Variants in MACROD2 observed in about 807,000 individuals in gnomAD.
The protein encoded by MACROD2 is ADP-ribose glycohydrolase MACROD2.
Under a neutral mutation model 70.4 loss-of-function variants are expected in MACROD2, and 36 were observed. The observed-to-expected ratio is 0.51, with a 90% confidence interval of 0.39 to 0.68. The LOEUF is 0.68. Ranked by LOEUF, MACROD2 falls within the 30% of genes least tolerant of loss-of-function variation. MACROD2 has a pLI of 0.00. For missense variants in MACROD2, 496 were observed against 538.4 expected, an observed-to-expected ratio of 0.92 and a Z score of 0.78; for synonymous variants, 172 against 178.8, an observed-to-expected ratio of 0.96 and a Z score of 0.30.
rs746662796 is a variant in MACROD2 at position 14,326,410 on chromosome 20, A to T, written c.272-167069A>T. 3.1e-6 allele frequency: 5 copies of T among 1,613,898 alleles called. No homozygotes were observed. The East Asian group carries it at 1.1e-4, about 36-fold the overall frequency. ...CACTGTGTTGGGTATTGCAGTGGTTATCTGAATGGTGCTTACAATCCCACT... is the reference window on the plus strand; with the variant it reads ...CACTGTGTTGGGTATTGCAGTGGTTTTCTGAATGGTGCTTACAATCCCACT... On this transcript the variant is annotated intron_variant, in intron 3 of 17. Transcript: ENST00000684519. The surrounding 1 kb of genome is among the most constrained non-coding windows in gnomAD (Gnocchi z 5.5).
intron 5 of MACROD2, among the ~76,000 whole-genome samples, chr20:14,754,270 T>A (rs909645810): frequency 1.3e-5 from 2 of 152,120 alleles, no homozygotes; most frequent in African/African-American, 4.8e-5. Flanking sequence ...TATTTAAAAA[T>A]GCAGTTATTT....
intron 3 of MACROD2, among the ~76,000 whole-genome samples, chr20:14,266,351 A>G (rs1167293672): frequency 6.6e-6 from 1 of 152,162 alleles, no homozygotes; most frequent in Non-Finnish European, 1.5e-5. Flanking sequence ...AGAGGGCTGA[A>G]AAATCCCTAC....
At position 15,986,804 on chromosome 20, in the gene MACROD2, A is replaced by G; in HGVS notation, c.1060+3A>G. ...GAGCTCATATATGGAAACAGAAGGT[A>G]CTGAAACCAAAATATATTGTTATCA... On this transcript the variant is annotated splice_donor_region_variant and intron_variant, in intron 14 of 17. Transcript: ENST00000684519. 3 of 1,601,092 alleles carry G rather than the reference A, an allele frequency of 1.9e-6. No individual in the cohort carries two copies. The highest frequency in any genetic ancestry group is 2.6e-6 in the Non-Finnish European group (3 of 1,168,938).
chr20:14,666,862 C>T (rs1195544996), intron 4 of MACROD2, among the ~76,000 whole-genome samples: 5 of 151,786 alleles, frequency 3.3e-5, no homozygotes, highest in Non-Finnish European at 7.4e-5. Flanking sequence ...TTCCCCAGAG[C>T]TTTTTATCGC....
chr20:15,769,141 T>G (rs1440872847), intron 8 of MACROD2, among the ~76,000 whole-genome samples: 1 of 152,208 alleles, frequency 6.6e-6, no homozygotes, highest in Non-Finnish European at 1.5e-5. Context: ...TGTTTTGTTT[T>G]GTTTTGTGTT....
intron 5 of MACROD2, among the ~76,000 whole-genome samples, chr20:14,951,701 C>T (rs2122733184): frequency 6.6e-6 from 1 of 152,154 alleles, no homozygotes; most frequent in East Asian, 1.9e-4. Flanking sequence ...TCAAACTATT[C>T]CTGTATTTTT....
At chr20:14,726,028 A>G (rs1018400992) in intron 5 of MACROD2, among the ~76,000 whole-genome samples, 2 of 152,168 alleles carry the variant, frequency 1.3e-5, no homozygotes, top group Non-Finnish European at 2.9e-5. Context: ...TTGAAATATT[A>G]TAGGAACAAA....
intron 5 of MACROD2, among the ~76,000 whole-genome samples, chr20:15,074,046 A>G (rs920853664): frequency 6.6e-6 from 1 of 152,196 alleles, no homozygotes; most frequent in Non-Finnish European, 1.5e-5. Flanking sequence ...CCAAAATCCA[A>G]CGTATTCCAG....
intron 6 of MACROD2, among the ~76,000 whole-genome samples, chr20:15,248,198 C>CA (rs1220951206): frequency 6.6e-6 from 1 of 152,158 alleles, no homozygotes; most frequent in African/African-American, 2.4e-5. Context: ...TCTAGGCCAC[C>CA]AGGGCATGTC....
At chr20:15,776,194 G>T (rs1416252249) in intron 8 of MACROD2, among the ~76,000 whole-genome samples, 4 of 152,094 alleles carry the variant, frequency 2.6e-5, no homozygotes, top group Non-Finnish European at 5.9e-5. Flanking sequence ...ACTTCTTTCG[G>T]CAGTAACATG....
intron 8 of MACROD2, among the ~76,000 whole-genome samples, chr20:15,560,393 TA>T (rs1227865145): frequency 6.6e-6 from 1 of 152,082 alleles, no homozygotes; most frequent in East Asian, 1.9e-4. Context: ...AAACAATTAT[TA>T]AAAAGAAAAG....
chr20:14,820,941 C>T (rs1021369849), intron 5 of MACROD2, among the ~76,000 whole-genome samples: 29 of 151,952 alleles, frequency 1.9e-4, no homozygotes, highest in Admixed American at 1.6e-3. Context: ...GGAAAGCCTC[C>T]GGAACCGTAA....
intron 4 of MACROD2, among the ~76,000 whole-genome samples, chr20:14,585,197 C>T (rs1981294883): frequency 6.6e-6 from 1 of 152,066 alleles, no homozygotes; most frequent in Admixed American, 6.6e-5. Context: ...GGCGGAACAG[C>T]GTAATTGGAA....
chr20:14,265,922 G>A (rs186275090), intron 3 of MACROD2, among the ~76,000 whole-genome samples: 439 of 152,006 alleles, frequency 2.9e-3, no homozygotes, highest in African/African-American at 9.7e-3. Context: ...GACTACAGGC[G>A]CATGCCACCA....
At chr20:14,434,649 G>A (rs1389371560) in intron 3 of MACROD2, among the ~76,000 whole-genome samples, 1 of 152,064 alleles carries the variant, frequency 6.6e-6, no homozygotes, top group Non-Finnish European at 1.5e-5. Flanking sequence ...TCCCTTCTCT[G>A]TTGGCTCATC....
At chr20:14,940,609 G>A (rs4297954) in intron 5 of MACROD2, among the ~76,000 whole-genome samples, 23,385 of 152,010 alleles carry the variant, frequency 0.15, 2,298 homozygotes, top group Non-Finnish European at 0.22. Flanking sequence ...TATCATAAAA[G>A]GATGTTGAAT....
chr20:15,778,268 A>G (rs576790143), intron 8 of MACROD2, among the ~76,000 whole-genome samples: 43 of 151,874 alleles, frequency 2.8e-4, no homozygotes, highest in African/African-American at 9.7e-4. Context: ...CCTCATAACC[A>G]TTTTTTTCCC....
chr20:15,479,625 C>A (rs1206239493), intron 7 of MACROD2, among the ~76,000 whole-genome samples: 2 of 152,294 alleles, frequency 1.3e-5, no homozygotes, highest in Non-Finnish European at 2.9e-5. Flanking sequence ...CAGTTAGCTT[C>A]AGCAAGTGAA....
chr20:14,058,566 G>A (rs2053657015), intron 2 of MACROD2, among the ~76,000 whole-genome samples: 1 of 149,910 alleles, frequency 6.7e-6, no homozygotes, highest in African/African-American at 2.4e-5. Flanking sequence ...TATATTGAGA[G>A]TCTTTGACTC....
Sources: allele counts gnomAD v4.1 joint callset (sites outside exome capture counted in the v4.1 genomes callset), GRCh38; gene constraint gnomAD v4.1.1; non-coding constraint Gnocchi (gnomAD v3.1); transcripts MANE v1.5; gene names NCBI Gene and HGNC (gene_info 2026-07-23, HGNC 2026-07-21).